The following CUL2 variants were observed in gnomAD, a reference collection of about 807,000 sequenced individuals.
The protein encoded by CUL2 is cullin 2, also known as cullin-2.
In CUL2, 22 loss-of-function variants were observed where a neutral mutation model predicts 110.2. That is an observed-to-expected ratio of 0.20 (90% confidence interval 0.14 to 0.28). The LOEUF is 0.28. Ranked by LOEUF, CUL2 falls within the 10% of genes least tolerant of loss-of-function variation. The probability of loss-of-function intolerance (pLI) is 1.00; values close to 1 mark genes in which losing one functional copy is unlikely to be tolerated. For missense variants in CUL2, 631 were observed against 905.5 expected, an observed-to-expected ratio of 0.70 and a Z score of 3.89; for synonymous variants, 279 against 293.2, an observed-to-expected ratio of 0.95 and a Z score of 0.49.
chr10:35,020,602 T>A (rs78328775), intron 17 of CUL2, among the ~76,000 whole-genome samples: 1 of 152,220 alleles, frequency 6.6e-6, no homozygotes, highest in Non-Finnish European at 1.5e-5. Context: ...AAGTTTTTTT[T>A]ATCTTCCTTG....
At position 35,031,772 on chromosome 10, in the gene CUL2, T is replaced by C. The variant is rs1193789045; in HGVS notation, c.1171-153A>G. 2.0e-5 allele frequency among the ~76,000 whole-genome samples: 3 copies of C among 152,144 alleles called. No individual in the cohort carries two copies. Among genetic ancestry groups the C allele is most frequent in the African/African-American group, 7.2e-5 (3 of 41,414 alleles). Reference sequence around the variant, plus strand: ...GGTCTTGCTCTGTTGCCAGGCTGGATTGCAGTGGACAAGATCATAGCTCAC... The same window carrying C: ...GGTCTTGCTCTGTTGCCAGGCTGGACTGCAGTGGACAAGATCATAGCTCAC... On this transcript the variant is annotated intron_variant, in intron 12 of 20. Transcript: ENST00000374749. The surrounding 1 kb of genome is among the most constrained non-coding windows in gnomAD (Gnocchi z 4.4).
At chr10:35,074,329 ACAT>A (rs2086761195) in intron 1 of CUL2, 1 of 762,016 alleles carries the variant, frequency 1.3e-6, no homozygotes, top group South Asian at 1.5e-5. Flanking sequence ...CCCTACTGTG[ACAT>A]CATAATCTAG....
chr10:35,024,341 CT>C (rs2085285657), intron 17 of CUL2, among the ~76,000 whole-genome samples: 1 of 152,060 alleles, frequency 6.6e-6, no homozygotes, highest in Non-Finnish European at 1.5e-5. Flanking sequence ...ATCATAGTTA[CT>C]TGGATAAAGT....
intron 1 of CUL2, among the ~76,000 whole-genome samples, chr10:35,125,436 A>G (rs1309095867): frequency 6.6e-6 from 1 of 152,254 alleles, no homozygotes; most frequent in Non-Finnish European, 1.5e-5. Context: ...ATTCATATGA[A>G]CTCCTGTTAC....
At chr10:35,045,700 G>C (rs1372737208) in intron 6 of CUL2, among the ~76,000 whole-genome samples, 1 of 152,062 alleles carries the variant, frequency 6.6e-6, no homozygotes, top group Non-Finnish European at 1.5e-5. Context: ...CTGGGTGACA[G>C]AGCAAGACCC....
chr10:35,059,878 A>C (rs944777202), intron 4 of CUL2, among the ~76,000 whole-genome samples: 2 of 152,182 alleles, frequency 1.3e-5, no homozygotes, highest in Non-Finnish European at 2.9e-5. Context: ...GATACTAACT[A>C]ACTCATATCA....
chr10:35,089,779 T>C (rs2087157411), intron 1 of CUL2: 1 of 151,120 alleles, frequency 6.6e-6, no homozygotes, highest in African/African-American at 2.4e-5. Context: ...GAAACAAAAG[T>C]GAAAACACTC....
At chr10:35,030,553 T>G (rs888639997) in intron 14 of CUL2, among the ~76,000 whole-genome samples, 1 of 152,080 alleles carries the variant, frequency 6.6e-6, no homozygotes, top group East Asian at 1.9e-4. Context: ...CAGCTAACTT[T>G]TGTATTTTTG....
intron 1 of CUL2, among the ~76,000 whole-genome samples, chr10:35,101,872 GA>G (rs894842155): frequency 2.6e-5 from 4 of 152,210 alleles, no homozygotes; most frequent in African/African-American, 7.2e-5. Flanking sequence ...AGAGGGAGTA[GA>G]ACTAACAGAG....
chr10:35,109,400 T>C lies in CUL2; in HGVS notation c.-50-8340A>G, dbSNP rs144457852. On this transcript the variant is annotated intron_variant, in intron 1 of 5. Coordinates refer to the CUL2 transcript ENST00000685421. ...GCAATGTTCTAGGTGCTGGGCACAA[T>C]ATTTGTAGGGTCCTTTTCTCAATAA... 6.6e-5 allele frequency among the ~76,000 whole-genome samples: 10 copies of C among 152,346 alleles called. No individual in the cohort carries two copies. The East Asian group carries it at 9.6e-4, about 15-fold the overall frequency.
chr10:35,078,633 TGAA>T (rs901114234), intron 1 of CUL2, among the ~76,000 whole-genome samples: 3 of 152,180 alleles, frequency 2.0e-5, no homozygotes, highest in African/African-American at 7.2e-5. Context: ...TTTGTTCCTG[TGAA>T]CTCACTTGCT....
intron 1 of CUL2, among the ~76,000 whole-genome samples, chr10:35,117,591 G>A (rs950320347): frequency 2.0e-5 from 3 of 150,202 alleles, no homozygotes; most frequent in African/African-American, 7.4e-5. Context: ...CACAAGTATT[G>A]TATGTTTACA....
In CUL2 at chr10:35,038,936, T is replaced by G; in HGVS notation, c.861A>C (p.Arg287=). 1 of 1,590,876 alleles carries G rather than the reference T, an allele frequency of 6.3e-7. No individual in the cohort carries two copies. Among genetic ancestry groups the G allele is most frequent in the Non-Finnish European group, 8.5e-7 (1 of 1,169,834 alleles). ...GTCACTTACCATTTTTTTTCTCTTG[T>G]CGAATTATATTATGACATTCTGCAT... ...FLHAECHNII[R]QEKKNDMANM... Residue 287 remains arginine, a synonymous_variant, in exon 9 of 21, where the codon CGA becomes CGC. Transcript: ENST00000374749.
At chr10:35,039,209 C>T in intron 8 of CUL2, 127 bp from the exon 9 acceptor site, 1 of 509,772 alleles carries the variant, frequency 2.0e-6, no homozygotes. Flanking sequence ...ATAAGGGTTA[C>T]ATAAGCAATT....
chr10:35,023,650 T>C (rs2085258069), intron 17 of CUL2, among the ~76,000 whole-genome samples: 1 of 152,030 alleles, frequency 6.6e-6, no homozygotes, highest in Non-Finnish European at 1.5e-5. Context: ...TGATTATTGC[T>C]GAAATAATGA....
At position 35,009,051 on chromosome 10, in the gene CUL2, C is replaced by A. The variant is rs2084828677; in HGVS notation, c.*1260G>T. The A allele has an allele frequency of 6.6e-6, 1 of 151,470 alleles. No homozygotes were observed. Among genetic ancestry groups the A allele is most frequent in the Non-Finnish European group, 1.5e-5 (1 of 67,914 alleles). 9.4% of individuals were successfully genotyped at this position (151,470 alleles called of 1,614,324 possible). ...GACTAGCCTGGGAAACATGGCGAAA[C>A]CCCGTCTCTTATTTTTTTTAAAATA... On this transcript the variant is annotated 3_prime_UTR_variant, in exon 21 of 21. Transcript: ENST00000374749.
At chr10:35,080,278 A>G (rs1204801372) in intron 1 of CUL2, among the ~76,000 whole-genome samples, 1 of 152,096 alleles carries the variant, frequency 6.6e-6, no homozygotes, top group Non-Finnish European at 1.5e-5. Flanking sequence ...TTGCTGTATC[A>G]AATGAGCAAG....
chr10:35,113,709 T>TC (rs2135133913), intron 1 of CUL2, among the ~76,000 whole-genome samples: 1 of 151,316 alleles, frequency 6.6e-6, no homozygotes, highest in African/African-American at 2.4e-5. Context: ...GACAAGTTTT[T>TC]CTTTTTTATT....
intron 3 of CUL2, 135 bp from the exon 4 acceptor site, chr10:35,061,103 T>C: frequency 3.2e-6 from 3 of 925,164 alleles, no homozygotes; most frequent in Non-Finnish European, 4.7e-6. Context: ...ACACAACACA[T>C]ATTAACTACA....
Sources: gnomAD v4.1 joint callset for allele counts (sites outside exome capture counted in the v4.1 genomes callset) on GRCh38, gnomAD v4.1.1 for gene constraint, Gnocchi (gnomAD v3.1) non-coding constraint, MANE v1.5 for transcripts, NCBI Gene and HGNC (gene_info 2026-07-23, HGNC 2026-07-21) for gene names.